The following CTBP2 variants were observed in gnomAD, a reference collection of about 807,000 sequenced individuals.
CTBP2 encodes the protein C-terminal binding protein 2, also known as C-terminal-binding protein 2.
In CTBP2, 30 loss-of-function variants were observed where a neutral mutation model predicts 80.3. That is an observed-to-expected ratio of 0.37 (90% CI 0.28 to 0.51). The LOEUF is 0.51. Among genes scored for constraint, CTBP2 ranks in the 20% least tolerant of loss-of-function variants. The pLI is 0.93. For synonymous variants in CTBP2, 594 were observed against 587.4 expected (o/e 1.01, Z -0.16); for missense variants, 1,212 against 1,375.3 (o/e 0.88, Z 1.88).
chr10:125,119,058 AC>A (rs1190531740), intron 1 of CTBP2, among the ~76,000 whole-genome samples: 1 of 152,188 alleles, frequency 6.6e-6, no homozygotes, highest in African/African-American at 2.4e-5. Flanking sequence ...TGATAGGGTG[AC>A]CAAGAGGGGT....
chr10:125,132,573 C>T (rs1057027144), intron 1 of CTBP2, among the ~76,000 whole-genome samples: 1 of 152,140 alleles, frequency 6.6e-6, no homozygotes, highest in Admixed American at 6.6e-5. Context: ...GAGTCCTAAT[C>T]CCTGCAGCTG....
At position 125,143,597 on chromosome 10, in the gene CTBP2, T is replaced by C. The variant is rs568723834; in HGVS notation, c.-206+16722A>G. Among the ~76,000 whole-genome samples, 44 of 152,328 alleles carry C rather than the reference T, an allele frequency of 2.9e-4. No individual in the cohort carries two copies. The South Asian group carries it at 8.7e-3, about 30-fold the overall frequency. On this transcript the variant is annotated intron_variant, in intron 1 of 10. Transcript: ENST00000337195. ...TTGATTTACTAAATTCTAAAGCTTT[T>C]CTAAATCTCTAAAAGGTAGTTTCCC...
At chr10:125,013,236 C>G (rs1372124538) in intron 1 of CTBP2, among the ~76,000 whole-genome samples, 1 of 152,082 alleles carries the variant, frequency 6.6e-6, no homozygotes, top group Non-Finnish European at 1.5e-5. Context: ...GTAATGAAAA[C>G]CAGCTGCCTG....
Position 125,124,463 on chromosome 10 carries a change from A to G in CTBP2, c.-205-13370T>C, listed in dbSNP as rs182550437. On this transcript the variant is annotated intron_variant, in intron 1 of 10. Transcript: ENST00000337195. Reference sequence around the variant, plus strand: ...CAATTTACTATCTGTCAGCAACAATAAAAGTACCTCCATCTCCCAAAATGT... The same window carrying G: ...CAATTTACTATCTGTCAGCAACAATGAAAGTACCTCCATCTCCCAAAATGT... Among the ~76,000 whole-genome samples, 42 of 152,100 alleles carry G rather than the reference A, an allele frequency of 2.8e-4. No homozygotes were observed. In the East Asian group the frequency reaches 6.2e-3, roughly 22 times the overall value.
At position 125,100,781 on chromosome 10, in the gene CTBP2, A is replaced by C. The variant is rs1590778248; in HGVS notation, c.-102+10209T>G. 6 of 152,348 alleles carry C rather than the reference A, an allele frequency of 3.9e-5. No homozygotes were observed. In the East Asian group the frequency reaches 1.2e-3, roughly 29 times the overall value. The allele number at this position is 152,348 out of a possible 1,614,324, so 9.4% of individuals were successfully genotyped here. A position where few individuals can be genotyped will look rare whatever the true frequency, so the allele number is the denominator to read the frequency against. The stretch of plus-strand genomic sequence containing the variant: ...AGATTGCAAATCAAAATCTGCATTT[A>C]AATAGAATGTTTTTAGTGTAGGAAA... On this transcript the variant is annotated intron_variant, in intron 2 of 10. Coordinates refer to the CTBP2 transcript ENST00000337195.
At chr10:125,083,869 T>C (rs59530965) in intron 2 of CTBP2, among the ~76,000 whole-genome samples, 23,189 of 152,136 alleles carry the variant, frequency 0.15, 1,874 homozygotes, top group Middle Eastern at 0.24. Flanking sequence ...CAACCTCCGT[T>C]CCCTGGTTTA....
chr10:125,005,605 C>T (rs376089443), intron 1 of CTBP2: 1 of 1,612,852 alleles, frequency 6.2e-7, no homozygotes, highest in Non-Finnish European at 8.5e-7. Context: ...GATACCCCCT[C>T]AGCTCATCCG....
chr10:125,016,667 C>T (rs976513897), intron 1 of CTBP2, among the ~76,000 whole-genome samples: 2 of 152,226 alleles, frequency 1.3e-5, no homozygotes, highest in Non-Finnish European at 1.5e-5. Context: ...GACTGCTGTC[C>T]GGCAGGCCAA....
intron 1 of CTBP2, among the ~76,000 whole-genome samples, chr10:125,151,128 G>A (rs1480774771): frequency 1.3e-5 from 2 of 152,170 alleles, no homozygotes; most frequent in East Asian, 1.9e-4. Flanking sequence ...TGAATAACAG[G>A]TAGAGCGCAC....
chr10:125,072,303 A>G (rs1018773469), intron 2 of CTBP2, among the ~76,000 whole-genome samples: 3 of 152,032 alleles, frequency 2.0e-5, no homozygotes, highest in African/African-American at 7.2e-5. Flanking sequence ...TACAGCTCCT[A>G]TCTGTCCTGC....
At chr10:125,015,075 C>T (rs908448125) in intron 1 of CTBP2, among the ~76,000 whole-genome samples, 2 of 152,220 alleles carry the variant, frequency 1.3e-5, no homozygotes, top group Non-Finnish European at 2.9e-5. Flanking sequence ...ATGTGCTCCA[C>T]GTTCCTCGAC....
intron 1 of CTBP2, among the ~76,000 whole-genome samples, chr10:125,154,693 GATCTACATATT>G (rs1860613899): frequency 6.6e-6 from 1 of 152,180 alleles, no homozygotes; most frequent in African/African-American, 2.4e-5. Context: ...AATGGTTAAT[GATCTACATATT>G]ATCTACATAT....
chr10:125,078,229 G>A (rs533193433), intron 2 of CTBP2, among the ~76,000 whole-genome samples: 3 of 147,808 alleles, frequency 2.0e-5, no homozygotes, highest in Non-Finnish European at 3.0e-5. Context: ...GTAGTGAGCC[G>A]AGATCGCGCC....
intron 2 of CTBP2, among the ~76,000 whole-genome samples, chr10:125,076,365 A>T (rs1430364960): frequency 6.6e-6 from 1 of 152,174 alleles, no homozygotes; most frequent in Non-Finnish European, 1.5e-5. Context: ...GCCATCGCCC[A>T]GTCAGCTCTG....
intron 2 of CTBP2, among the ~76,000 whole-genome samples, chr10:125,098,730 G>GAC (rs1564914365): frequency 1.3e-4 from 16 of 126,880 alleles, no homozygotes; most frequent in African/African-American, 4.5e-4. Flanking sequence ...GAGACAGAGA[G>GAC]AGAGAGAGAG....
In CTBP2 at chr10:125,012,364, C is replaced by T. The variant is rs563793157; in HGVS notation, c.1679-8872G>A. Among the ~76,000 whole-genome samples, 21 of 152,320 alleles carry T rather than the reference C, an allele frequency of 1.4e-4. 1 individual carries two copies. Among genetic ancestry groups the T allele is most frequent in the Admixed American group, 4.6e-4 (7 of 15,302 alleles). ...AACACGGGGACGGTCCCTGCAGGGA[C>T]GGGTGGTCAGGATCTCATGCACAGG... On this transcript the variant is annotated intron_variant, in intron 1 of 8. Transcript: ENST00000309035.
At chr10:125,046,537 C>CAAAAAAAAAAAAAAAAAAAAAAAA (rs57913854) in intron 2 of CTBP2, among the ~76,000 whole-genome samples, 1 of 114,774 alleles carries the variant, frequency 8.7e-6, no homozygotes. Context: ...GACTCTATCT[C>CAAAAAAAAAAAAAAAAAAAAAAAA]AAAAAAAAAA....
At chr10:125,098,708 CAG>C (rs1850045599) in intron 2 of CTBP2, among the ~76,000 whole-genome samples, 51 of 65,732 alleles carry the variant, frequency 7.8e-4, no homozygotes, top group African/African-American at 3.1e-3. Context: ...GAGAGAGAGA[CAG>C]AGAGAGAGAG....
chr10:124,993,944 G>T lies in CTBP2; in HGVS notation c.2442C>A (p.Gly814=), dbSNP rs1953088094. The T allele has an allele frequency of 6.2e-7, 1 of 1,614,202 alleles. No homozygotes were observed. Among genetic ancestry groups the T allele is most frequent in the Non-Finnish European group, 8.5e-7 (1 of 1,180,034 alleles). ...GTGCTAAGGCTTTCTCGTCCACCAGGCCGCCACGGGCTGCGTTCACAAGGA... is the reference window on the plus strand; with the variant it reads ...GTGCTAAGGCTTTCTCGTCCACCAGTCCGCCACGGGCTGCGTTCACAAGGA... Residue 814 remains glycine, a synonymous_variant, in exon 6 of 9, where the codon GGC becomes GGA. Coordinates refer to ENST00000309035, the MANE Select transcript of CTBP2 (RefSeq NM_022802.3).
Sources: allele counts gnomAD v4.1 joint callset (sites outside exome capture counted in the v4.1 genomes callset), GRCh38; gene constraint gnomAD v4.1.1; transcripts MANE v1.5; gene names NCBI Gene and HGNC (gene_info 2026-07-23, HGNC 2026-07-21).